The following TM2D1 variants were observed in gnomAD, a reference collection of about 807,000 sequenced individuals.
TM2D1 encodes TM2 domain containing 1, also known as TM2 domain-containing protein 1.
In TM2D1, 15 loss-of-function variants were observed where a neutral mutation model predicts 28.4. The observed-to-expected ratio is 0.53, with a 90% CI of 0.35 to 0.81. The LOEUF (loss-of-function observed/expected upper bound fraction) is 0.81, where lower values mean the gene tolerates loss of function less well. Ranked by LOEUF, TM2D1 falls within the 40% of genes least tolerant of loss-of-function variation. The pLI, the probability that TM2D1 is intolerant of heterozygous loss-of-function variation, is 0.01. For missense variants in TM2D1, 236 were observed against 254.9 expected, an observed-to-expected ratio of 0.93 and a Z score of 0.50; for synonymous variants, 93 against 96.2, an observed-to-expected ratio of 0.97 and a Z score of 0.20.
At chr1:61,712,473 C>T (rs775355371) in intron 2 of TM2D1, among the ~76,000 whole-genome samples, 31 of 152,080 alleles carry the variant, frequency 2.0e-4, no homozygotes, top group Non-Finnish European at 4.0e-4. Flanking sequence ...TGCCCTGGTG[C>T]GATCTCAGCT....
intron 3 of TM2D1, among the ~76,000 whole-genome samples, chr1:61,701,556 CGTGT>C (rs60257971): frequency 0.068 from 9,810 of 145,324 alleles, 297 homozygotes; most frequent in Middle Eastern, 0.077. Flanking sequence ...AATTCTCTTT[CGTGT>C]GTGTGTGTGT....
In TM2D1 at chr1:61,681,226, T is replaced by C. The variant is rs1417854442; in HGVS notation, c.*144A>G. On this transcript the variant is annotated 3_prime_UTR_variant, in exon 7 of 7. Transcript: ENST00000606498. ...AAATAAATCTCACAATAATATACTT[T>C]AACTCAACAAAACAAAAACCACAAA... The C allele has an allele frequency of 6.5e-6, 1 of 152,684 alleles. No individual in the cohort carries two copies. The allele number at this position is 152,684 out of a possible 1,614,324, so 9.5% of individuals were successfully genotyped here.
intron 4 of TM2D1, among the ~76,000 whole-genome samples, chr1:61,696,964 T>C (rs1460245973): frequency 6.6e-6 from 1 of 152,120 alleles, no homozygotes; most frequent in African/African-American, 2.4e-5. Flanking sequence ...AATGAAGTTT[T>C]TGATTATAAT....
chr1:61,722,493 C>G (rs538537526), intron 2 of TM2D1, among the ~76,000 whole-genome samples: 2 of 152,002 alleles, frequency 1.3e-5, no homozygotes, highest in African/African-American at 2.4e-5. Context: ...CTCAGCCTCC[C>G]GAGTAGCTGG....
intron 3 of TM2D1, among the ~76,000 whole-genome samples, 157 bp downstream of exon 3, chr1:61,709,172 A>G (rs76522539): frequency 1.3e-5 from 2 of 152,132 alleles, no homozygotes; most frequent in African/African-American, 4.8e-5. Context: ...CTCAAAAACC[A>G]AAAAACAAAC....
chr1:61,692,924 T>A (rs978552841), intron 5 of TM2D1, among the ~76,000 whole-genome samples: 1 of 152,144 alleles, frequency 6.6e-6, no homozygotes, highest in African/African-American at 2.4e-5. Flanking sequence ...TGTGATCGAC[T>A]CCTAATCCCA....
chr1:61,700,029 T>A, intron 4 of TM2D1: 1 of 1,193,778 alleles, frequency 8.4e-7, no homozygotes. Flanking sequence ...TCAAAAACTT[T>A]AAATTTGCTC....
At chr1:61,714,898 G>C (rs562397838) in intron 2 of TM2D1, among the ~76,000 whole-genome samples, 12 of 152,168 alleles carry the variant, frequency 7.9e-5, no homozygotes, top group Non-Finnish European at 1.3e-4. Flanking sequence ...CATATTTTGA[G>C]AGTTTTAGTT....
intron 2 of TM2D1, among the ~76,000 whole-genome samples, chr1:61,721,650 T>A (rs1553144009): frequency 6.6e-6 from 1 of 152,006 alleles, no homozygotes; most frequent in Non-Finnish European, 1.5e-5. Context: ...TAATTTTGGC[T>A]GGAAGAATGA....
At chr1:61,708,276 T>C (rs1644454590) in intron 3 of TM2D1, among the ~76,000 whole-genome samples, 1 of 152,174 alleles carries the variant, frequency 6.6e-6, no homozygotes, top group African/African-American at 2.4e-5. Flanking sequence ...CCCCAACTCC[T>C]GGCCTCAAGT....
intron 2 of TM2D1, among the ~76,000 whole-genome samples, chr1:61,717,105 T>C (rs1234521073): frequency 6.6e-6 from 1 of 152,116 alleles, no homozygotes; most frequent in Admixed American, 6.6e-5. Flanking sequence ...TCCCAGCACT[T>C]TGGGAGGCCG....
At chr1:61,717,914 T>C (rs1644534496) in intron 2 of TM2D1, among the ~76,000 whole-genome samples, 1 of 152,058 alleles carries the variant, frequency 6.6e-6, no homozygotes, top group Non-Finnish European at 1.5e-5. Flanking sequence ...CTTGGGTGGC[T>C]GAGGCAGGAG....
intron 5 of TM2D1, among the ~76,000 whole-genome samples, chr1:61,684,753 G>A (rs954949408): frequency 2.6e-5 from 4 of 151,900 alleles, no homozygotes; most frequent in African/African-American, 7.3e-5. Context: ...AAGATGATTC[G>A]CTAGAAGTTT....
intron 5 of TM2D1, among the ~76,000 whole-genome samples, chr1:61,686,233 T>C (rs142729970): frequency 1.3e-5 from 2 of 152,318 alleles, no homozygotes; most frequent in East Asian, 3.9e-4. Context: ...ACACCTCAGC[T>C]TAAGCCACTA....
intron 5 of TM2D1, among the ~76,000 whole-genome samples, chr1:61,689,483 C>T (rs79174346): frequency 6.6e-6 from 1 of 152,088 alleles, no homozygotes; most frequent in Non-Finnish European, 1.5e-5. Flanking sequence ...GATCCTCCAA[C>T]CTCAGCCTCC....
chr1:61,686,859 G>T, intron 5 of TM2D1: 1 of 944,468 alleles, frequency 1.1e-6, no homozygotes, highest in Non-Finnish European at 1.3e-6. Context: ...GGAATTCGAG[G>T]CTGCAATGAG....
At chr1:61,707,186 T>C (rs1644447725) in intron 3 of TM2D1, among the ~76,000 whole-genome samples, 1 of 152,244 alleles carries the variant, frequency 6.6e-6, no homozygotes, top group Middle Eastern at 3.4e-3. Flanking sequence ...ACCAGGAAGG[T>C]TGAGGCTGCA....
intron 2 of TM2D1, among the ~76,000 whole-genome samples, chr1:61,719,121 G>C (rs1644542451): frequency 6.6e-6 from 1 of 152,050 alleles, no homozygotes; most frequent in Non-Finnish European, 1.5e-5. Context: ...CCAGGCTAGA[G>C]TGCACTGACA....
chr1:61,708,658 A>G (rs1473903161), intron 3 of TM2D1, among the ~76,000 whole-genome samples: 1 of 152,212 alleles, frequency 6.6e-6, no homozygotes, highest in Non-Finnish European at 1.5e-5. Flanking sequence ...AAAATTAATT[A>G]GCATTTTTCT....
Sources: allele counts gnomAD v4.1 joint callset (sites outside exome capture counted in the v4.1 genomes callset), GRCh38; gene constraint gnomAD v4.1.1; transcripts MANE v1.5; gene names NCBI Gene and HGNC (gene_info 2026-07-23, HGNC 2026-07-21).